TMEM52B: variants seen among roughly 807,000 people sequenced by gnomAD.
TMEM52B encodes the protein transmembrane protein 52B, also known as chromosome 12 open reading frame 59.
A neutral mutation model predicts 16.1 loss-of-function variants in TMEM52B; 11 were observed. The ratio of observed to expected loss-of-function variants is 0.68; its 90% confidence interval spans 0.43 to 1.13. The LOEUF (loss-of-function observed/expected upper bound fraction) is 1.13. Ranked by LOEUF, TMEM52B falls within the 50% of genes most tolerant of loss-of-function variation. The probability of loss-of-function intolerance (pLI) is 0.00; values close to 1 mark genes in which losing one functional copy is unlikely to be tolerated. For synonymous variants in TMEM52B, 101 were observed against 93.8 expected (o/e 1.08, Z -0.45); for missense variants, 243 against 230.4 (o/e 1.05, Z -0.35).
At chr12:10,177,427 G>C (rs1354734263), upstream of TMEM52B, among the ~76,000 whole-genome samples, 3 of 152,030 alleles carry the variant, frequency 2.0e-5, no homozygotes, top group Non-Finnish European at 2.9e-5. Flanking sequence ...GACCCTTAGA[G>C]TATGATCAGC....
chr12:10,184,704 A>G (rs1948860687), intron 2 of TMEM52B, among the ~76,000 whole-genome samples: 1 of 152,170 alleles, frequency 6.6e-6, no homozygotes, highest in South Asian at 2.1e-4. Flanking sequence ...ATGTGATTGT[A>G]TGACTTTCAT....
upstream of TMEM52B, chr12:10,175,250 TCTC>T (rs1312971352): frequency 1.3e-5 from 2 of 152,190 alleles, no homozygotes; most frequent in Non-Finnish European, 2.9e-5. Context: ...TCACTCTCCC[TCTC>T]CTATTTCCAT....
At chr12:10,171,590 A>G (rs777026980) in intron 1 of TMEM52B, among the ~76,000 whole-genome samples, 3 of 152,190 alleles carry the variant, frequency 2.0e-5, no homozygotes, top group Non-Finnish European at 2.9e-5. Flanking sequence ...CCTCCGATGT[A>G]TAGAATTCTG....
rs976997877 is a variant in TMEM52B, at chr12:10,183,390, G to A, written c.98+797G>A. On this transcript the variant is annotated intron_variant, in intron 2 of 4. Coordinates refer to ENST00000543484, the MANE Select transcript of TMEM52B (RefSeq NM_001384896.1). ...GAAGAGTCCTTTCCTATAAACCAGA[G>A]TCTAATTAGAACTAGAAGAGTTTTC... Among the ~76,000 whole-genome samples the A allele has an allele frequency of 4.6e-5, 7 of 151,996 alleles. No individual in the cohort carries two copies. The South Asian group carries it at 1.5e-3, about 32-fold the overall frequency.
intron 1 of TMEM52B, 85 bp downstream of exon 1, chr12:10,179,713 G>T (rs979719802): frequency 2.0e-6 from 3 of 1,524,520 alleles, no homozygotes; most frequent in South Asian, 1.1e-5. Context: ...AATGAACTGC[G>T]GGGTGGGGAG....
intron 4 of TMEM52B, among the ~76,000 whole-genome samples, chr12:10,189,069 C>T (rs1368398585): frequency 2.9e-5 from 4 of 136,378 alleles, no homozygotes; most frequent in Admixed American, 7.9e-5. Flanking sequence ...GGCACGTTGG[C>T]ACATGCCTGT....
At chr12:10,187,491 G>A (rs184551328) in intron 4 of TMEM52B, among the ~76,000 whole-genome samples, 202 of 152,132 alleles carry the variant, frequency 1.3e-3, no homozygotes, top group African/African-American at 4.4e-3. Flanking sequence ...TGCAACCTCC[G>A]CCTCCTGGGT....
chr12:10,188,299 A>G (rs1189999622), intron 4 of TMEM52B, among the ~76,000 whole-genome samples: 2 of 151,532 alleles, frequency 1.3e-5, no homozygotes, highest in Non-Finnish European at 2.9e-5. Context: ...GTCCCTATTA[A>G]CGTACAAAAT....
chr12:10,186,435 T>C lies in TMEM52B; in HGVS notation c.153T>C (p.Ile51=). The change falls in exon 4 of 5, where the codon ATT becomes ATC. Residue 51 remains isoleucine, a synonymous_variant. Coordinates refer to ENST00000543484, the MANE Select transcript of TMEM52B (RefSeq NM_001384896.1). ...HLWYIWLLVV[I]GALLLLCGLT... Reference sequence around the variant, plus strand: ...GCTTTTGCAGGTTGCTAGTGGTAATTGGCGCGCTGCTTCTCCTGTGTGGCC... The same window carrying C: ...GCTTTTGCAGGTTGCTAGTGGTAATCGGCGCGCTGCTTCTCCTGTGTGGCC... 1 of 1,609,286 alleles carries C rather than the reference T, an allele frequency of 6.2e-7. No individual in the cohort carries two copies. Among genetic ancestry groups the C allele is most frequent in the Non-Finnish European group, 8.5e-7 (1 of 1,176,566 alleles).
chr12:10,180,563 G>T (rs537828889), intron 1 of TMEM52B, among the ~76,000 whole-genome samples: 2 of 152,220 alleles, frequency 1.3e-5, no homozygotes, highest in African/African-American at 4.8e-5. Flanking sequence ...ACACAAACAC[G>T]GGTTTCTCAA....
At chr12:10,174,210 G>C (rs991068487), upstream of TMEM52B, among the ~76,000 whole-genome samples, 1 of 152,014 alleles carries the variant, frequency 6.6e-6, no homozygotes, top group African/African-American at 2.4e-5. Context: ...ACAGGTGCCC[G>C]CCACCCCTCC....
At chr12:10,184,095 C>T (rs753639744) in intron 2 of TMEM52B, among the ~76,000 whole-genome samples, 2 of 152,130 alleles carry the variant, frequency 1.3e-5, no homozygotes, top group Admixed American at 6.5e-5. Context: ...TTTAATCAAT[C>T]ACGCCTACAT....
intron 1 of TMEM52B, chr12:10,172,046 A>T (rs779706155): frequency 6.2e-7 from 1 of 1,613,760 alleles, no homozygotes; most frequent in Non-Finnish European, 8.5e-7. Context: ...CTGGTCCTTC[A>T]CAGTCTGGAT....
At chr12:10,173,915 T>C in intron 1 of TMEM52B, among the ~76,000 whole-genome samples, 1 of 152,174 alleles carries the variant, frequency 6.6e-6, no homozygotes, top group South Asian at 2.1e-4. Context: ...TTAGGTGTAC[T>C]GTTCAGTGGC....
upstream of TMEM52B, among the ~76,000 whole-genome samples, chr12:10,175,833 G>A (rs1364264287): frequency 1.3e-5 from 2 of 152,198 alleles, no homozygotes; most frequent in Non-Finnish European, 2.9e-5. Flanking sequence ...CTATTTTATT[G>A]AGGCACAGAG....
Position 10,189,623 on chromosome 12 carries a change from C to CAAAA in TMEM52B, c.308-257_308-254dup, listed in dbSNP as rs766090432. On this transcript the variant is annotated intron_variant, in intron 4 of 4. Transcript: ENST00000543484. ...GGGCAACAAGAGCAAAACTCCGTCT[C>CAAAA]AAAAAAAAAAAAAAAAAAAGAGAGA... Among the ~76,000 whole-genome samples the CAAAA allele has an allele frequency of 4.2e-3, 351 of 82,856 alleles. 6 individuals carry two copies. Among genetic ancestry groups the CAAAA allele is most frequent in the Middle Eastern group, 0.012 (2 of 162 alleles). 54.4% of individuals were successfully genotyped at this position (82,856 alleles called of 152,430 possible).
chr12:10,186,132 GCAA>G (rs1948876621), intron 3 of TMEM52B, among the ~76,000 whole-genome samples: 1 of 152,042 alleles, frequency 6.6e-6, no homozygotes, highest in Non-Finnish European at 1.5e-5. Flanking sequence ...TCCAGCCTGG[GCAA>G]CAGAGCAAGA....
At chr12:10,171,390 T>C (rs1470526326) in intron 1 of TMEM52B, among the ~76,000 whole-genome samples, 1 of 152,232 alleles carries the variant, frequency 6.6e-6, no homozygotes, top group Non-Finnish European at 1.5e-5. Flanking sequence ...ATTTAATTAC[T>C]GTATGGGTCA....
intron 1 of TMEM52B, among the ~76,000 whole-genome samples, chr12:10,180,292 G>A (rs1331219298): frequency 9.4e-6 from 1 of 106,748 alleles, no homozygotes; most frequent in Admixed American, 1.0e-4. Flanking sequence ...TTTTTTTTTT[G>A]CTAATAGAAC....
Sources: gnomAD v4.1 joint callset for allele counts (sites outside exome capture counted in the v4.1 genomes callset) on GRCh38, gnomAD v4.1.1 for gene constraint, MANE v1.5 for transcripts, NCBI Gene and HGNC (gene_info 2026-07-23, HGNC 2026-07-21) for gene names.